Variants in OPCML observed in about 807,000 individuals in gnomAD.
The protein encoded by OPCML is opioid binding protein/cell adhesion molecule like, also known as opioid-binding protein/cell adhesion molecule.
Under a neutral mutation model 37.8 loss-of-function variants are expected in OPCML, and 13 were observed. The ratio of observed to expected loss-of-function variants is 0.34; its 90% CI spans 0.22 to 0.55. OPCML has a LOEUF of 0.55. OPCML is among the 20% of genes least tolerant of loss of function. The pLI is 0.91. For missense variants in OPCML, 341 were observed against 435.6 expected, an observed-to-expected ratio of 0.78 and a Z score of 1.93; for synonymous variants, 176 against 168.8, an observed-to-expected ratio of 1.04 and a Z score of -0.33.
intron 1 of OPCML, among the ~76,000 whole-genome samples, chr11:133,472,828 C>T (rs1229384562): frequency 1.3e-5 from 2 of 151,956 alleles, no homozygotes; most frequent in Non-Finnish European, 2.9e-5. Flanking sequence ...GCAATCTCGT[C>T]CCTGGGGTAT....
intron 1 of OPCML, among the ~76,000 whole-genome samples, chr11:133,185,627 G>C (rs977269168): frequency 7.9e-5 from 12 of 152,266 alleles, no homozygotes; most frequent in African/African-American, 2.9e-4. Flanking sequence ...AGAATAGATG[G>C]GGTTAGGGAA....
intron 2 of OPCML, among the ~76,000 whole-genome samples, chr11:132,851,922 C>T (rs569650098): frequency 1.1e-4 from 17 of 152,292 alleles, no homozygotes; most frequent in East Asian, 3.9e-4. Context: ...GTTCAGGACA[C>T]GCCACCTCTT....
intron 4 of OPCML, among the ~76,000 whole-genome samples, chr11:132,470,776 G>A (rs781415480): frequency 3.3e-5 from 5 of 152,152 alleles, no homozygotes; most frequent in Admixed American, 6.5e-5. Context: ...AACCCAGATT[G>A]TCTGGTTCCC....
chr11:132,642,793 G>T (rs1478015107), intron 3 of OPCML, among the ~76,000 whole-genome samples: 2 of 152,174 alleles, frequency 1.3e-5, no homozygotes, highest in East Asian at 3.8e-4. Context: ...AATCATTTCA[G>T]GTCACAGAGC....
intron 1 of OPCML, among the ~76,000 whole-genome samples, chr11:133,292,615 GTT>G (rs1442770845): frequency 6.6e-6 from 1 of 152,156 alleles, no homozygotes; most frequent in Non-Finnish European, 1.5e-5. Context: ...GTACGCTGGG[GTT>G]TACTGTGATT....
At chr11:132,441,420 G>C (rs2096034760) in intron 4 of OPCML, among the ~76,000 whole-genome samples, 3 of 151,864 alleles carry the variant, frequency 2.0e-5, no homozygotes, top group Admixed American at 1.3e-4. Flanking sequence ...CGCCCGCCTC[G>C]GCCTCCCAAA....
intron 1 of OPCML, among the ~76,000 whole-genome samples, chr11:133,165,771 C>CTAT (rs1388320315): frequency 6.6e-6 from 1 of 152,162 alleles, no homozygotes; most frequent in African/African-American, 2.4e-5. Context: ...GATTACTGGT[C>CTAT]TATTCTTGAA....
At chr11:132,820,097 ATG>A (rs1565887239) in intron 2 of OPCML, among the ~76,000 whole-genome samples, 285 of 45,812 alleles carry the variant, frequency 6.2e-3, no homozygotes, top group African/African-American at 0.019. Context: ...GAATGAATGA[ATG>A]AATGAAAGAA....
intron 2 of OPCML, among the ~76,000 whole-genome samples, chr11:132,927,269 C>T (rs1009620781): frequency 6.6e-6 from 1 of 151,988 alleles, no homozygotes; most frequent in African/African-American, 2.4e-5. Flanking sequence ...ATGTCAAAGA[C>T]CAAAGAGAAA....
intron 2 of OPCML, among the ~76,000 whole-genome samples, chr11:132,701,638 T>C (rs964934506): frequency 1.3e-5 from 2 of 152,184 alleles, no homozygotes; most frequent in African/African-American, 4.8e-5. Flanking sequence ...ATTTAATCCA[T>C]TTAAATTTAA....
intron 1 of OPCML, chr11:133,301,696 A>G (rs1592181635): frequency 6.6e-6 from 1 of 152,150 alleles, no homozygotes; most frequent in Non-Finnish European, 1.5e-5. Flanking sequence ...GCGCTTAGGT[A>G]GTGTACCTGG....
At chr11:133,343,245 C>T (rs1943917586) in intron 1 of OPCML, among the ~76,000 whole-genome samples, 1 of 152,056 alleles carries the variant, frequency 6.6e-6, no homozygotes, top group Non-Finnish European at 1.5e-5. Context: ...TGTAGTCACC[C>T]GCCCCTAATC....
chr11:133,197,728 C>A (rs930800292), intron 1 of OPCML, among the ~76,000 whole-genome samples: 2 of 152,208 alleles, frequency 1.3e-5, no homozygotes, highest in African/African-American at 4.8e-5. Context: ...AGCTTGAGAT[C>A]CAGCAAGTCT....
In OPCML at chr11:133,198,097, T is replaced by A. The variant is rs181062113; in HGVS notation, c.62-255087A>T. ...ATGATATTTTTCAACCTTCCTAGAA[T>A]AAACAAAAACTCACATGGATATCCT... On this transcript the variant is annotated intron_variant, in intron 1 of 7. Coordinates refer to ENST00000524381, the MANE Select transcript of OPCML (RefSeq NM_001012393.5). Among the ~76,000 whole-genome samples, 214 of 152,334 alleles carry A rather than the reference T, an allele frequency of 1.4e-3. 1 individual carries two copies. The highest frequency in any genetic ancestry group is 4.8e-3 in the African/African-American group (198 of 41,588).
intron 3 of OPCML, among the ~76,000 whole-genome samples, chr11:132,656,841 C>T (rs1471792606): frequency 6.6e-6 from 1 of 152,188 alleles, no homozygotes; most frequent in African/African-American, 2.4e-5. Flanking sequence ...AATACGAGTG[C>T]ATGTTACACA....
chr11:133,120,052 A>G (rs1949397080), intron 1 of OPCML, among the ~76,000 whole-genome samples: 1 of 152,140 alleles, frequency 6.6e-6, no homozygotes, highest in South Asian at 2.1e-4. Flanking sequence ...ACTCAAAGAC[A>G]GCAGAATCAC....
At chr11:133,009,388 A>T in intron 1 of OPCML, 1 of 275,260 alleles carries the variant, frequency 3.6e-6, no homozygotes, top group Non-Finnish European at 5.5e-6. Context: ...CCAGGAACAT[A>T]TTTAGGAAGT....
chr11:132,945,070 C>T (rs1390081421), intron 1 of OPCML, among the ~76,000 whole-genome samples: 1 of 152,238 alleles, frequency 6.6e-6, no homozygotes, highest in Non-Finnish European at 1.5e-5. Flanking sequence ...GGTTAGCCCA[C>T]ATATATGTGT....
chr11:133,493,067 C>A (rs745938201), intron 1 of OPCML, among the ~76,000 whole-genome samples: 12 of 152,176 alleles, frequency 7.9e-5, no homozygotes, highest in Non-Finnish European at 1.8e-4. Flanking sequence ...AAACTGAGGG[C>A]TCCTCTCCCC....
Sources: allele counts gnomAD v4.1 joint callset (sites outside exome capture counted in the v4.1 genomes callset), GRCh38; gene constraint gnomAD v4.1.1; transcripts MANE v1.5; gene names NCBI Gene and HGNC (gene_info 2026-07-23, HGNC 2026-07-21).